Variants in MED24 observed in about 807,000 individuals in gnomAD.
The protein encoded by MED24 is mediator complex subunit 24.
A neutral mutation model predicts 118.8 loss-of-function variants in MED24; 74 were observed. The observed-to-expected ratio is 0.62, with a 90% confidence interval of 0.52 to 0.76. The LOEUF (loss-of-function observed/expected upper bound fraction) is 0.76. Among genes scored for constraint, MED24 ranks in the 30% least tolerant of loss-of-function variants. MED24 has a pLI of 0.00. For missense variants in MED24, 1,041 were observed against 1,278.9 expected, an observed-to-expected ratio of 0.81 and a Z score of 2.84; for synonymous variants, 521 against 523.9, an observed-to-expected ratio of 0.99 and a Z score of 0.08.
chr17:40,022,685 A>G lies in MED24; in HGVS notation c.2392T>C (p.Trp798Arg), dbSNP rs906709831. ...LPGLLTDSSKWHSLMDPPGTA... is the reference protein window; with the variant it reads ...LPGLLTDSSKRHSLMDPPGTA... ...CCCGGGGGGTCCATGAGGCTGTGCC[A>G]CTTGGAGGAGTCAGTGAGCAGGCCA... The change falls in exon 21 of 26, where the codon TGG (tryptophan) becomes CGG (arginine). Residue 798 changes from tryptophan to arginine, a missense_variant. By Grantham distance (101) the Trp-to-Arg change is moderately radical. Transcript: ENST00000394128. 10 of 1,613,680 alleles carry G rather than the reference A, an allele frequency of 6.2e-6. No homozygotes were observed. Among genetic ancestry groups the G allele is most frequent in the Admixed American group, 5.0e-5 (3 of 59,970 alleles).
At chr17:40,031,272 A>AAG in intron 11 of MED24, 27 bp from the exon 12 acceptor site, 7 of 1,546,882 alleles carry the variant, frequency 4.5e-6, no homozygotes, top group Non-Finnish European at 6.1e-6. Context: ...TGCTGAGGGA[A>AAG]CTGGGCACCT....
chr17:40,032,857 G>A, intron 8 of MED24, 95 bp from the exon 9 acceptor site: 1 of 1,355,164 alleles, frequency 7.4e-7, no homozygotes, highest in Admixed American at 1.9e-5. Context: ...GAGACTGCAT[G>A]GCAGAGTCAC....
intron 6 of MED24, among the ~76,000 whole-genome samples, chr17:40,034,320 G>A (rs1983706858): frequency 1.3e-5 from 2 of 152,172 alleles, no homozygotes; most frequent in Non-Finnish European, 2.9e-5. Context: ...TGTCTTTTTG[G>A]ACTTTTCACA....
chr17:40,032,110 GA>G lies in MED24; in HGVS notation c.937-21del. On this transcript the variant is annotated intron_variant, in intron 9 of 25. Transcript: ENST00000394128. ...TGGAATCTAGGGGGTGAGGCAGGGGGAAAAACAGGAAGATCCATTTCTTTTC... is the reference window on the plus strand; with the variant it reads ...TGGAATCTAGGGGGTGAGGCAGGGGGAAAACAGGAAGATCCATTTCTTTTC... 1 of 1,611,768 alleles carries G rather than the reference GA, an allele frequency of 6.2e-7. No individual in the cohort carries two copies. The highest frequency in any genetic ancestry group is 8.5e-7 in the Non-Finnish European group (1 of 1,178,470).
chr17:40,026,170 C>T lies in MED24; in HGVS notation c.1971G>A (p.Gln657=). The T allele has an allele frequency of 6.2e-7, 1 of 1,613,926 alleles. No individual in the cohort carries two copies. Among genetic ancestry groups the T allele is most frequent in the South Asian group, 1.1e-5 (1 of 91,066 alleles). ...AGPLFSENTL[Q]FYNERVVIMN... ...AGGTTACCGACCTCTCATTGTAGAA[C>T]TGCAGGGTGTTCTCACTAAACAGTG... The change falls in exon 19 of 26, where the codon CAG becomes CAA. Residue 657 remains glutamine, a synonymous_variant. Transcript: ENST00000394128.
intron 13 of MED24, 106 bp downstream of exon 13, chr17:40,029,642 C>A: frequency 9.4e-7 from 1 of 1,063,132 alleles, no homozygotes; most frequent in South Asian, 1.5e-5. Flanking sequence ...TGTATAAAAG[C>A]TAAAGGAGAC....
intron 3 of MED24, among the ~76,000 whole-genome samples, chr17:40,044,051 C>T (rs193281079): frequency 9.9e-5 from 14 of 140,878 alleles, no homozygotes; most frequent in Admixed American, 3.8e-4. Context: ...TGGCTGGAAC[C>T]GGGGAAGCTA....
intron 13 of MED24, 121 bp from the exon 14 acceptor site, chr17:40,029,089 A>T: frequency 7.4e-7 from 1 of 1,356,988 alleles, no homozygotes; most frequent in Non-Finnish European, 1.0e-6. Context: ...TCTGACTTCA[A>T]TCTGGAAAAT....
chr17:40,022,704 C>A lies in MED24; in HGVS notation c.2373G>T (p.Leu791=). The change falls in exon 21 of 26, where the codon CTG becomes CTT. Residue 791 remains leucine, a synonymous_variant. Coordinates refer to ENST00000394128, the MANE Select transcript of MED24 (RefSeq NM_014815.4). ...TGTGCCACTTGGAGGAGTCAGTGAG[C>A]AGGCCAGGTAGGATGTGGCCCAGCA... ...LVLLGHILPG[L]LTDSSKWHSL... 1 of 1,613,898 alleles carries A rather than the reference C, an allele frequency of 6.2e-7. No individual in the cohort carries two copies. Among genetic ancestry groups the A allele is most frequent in the Non-Finnish European group, 8.5e-7 (1 of 1,179,976 alleles).
chr17:40,032,354 A>G, intron 9 of MED24: 1 of 573,366 alleles, frequency 1.7e-6, no homozygotes, highest in Non-Finnish European at 3.1e-6. Context: ...GTGGATCCCC[A>G]GCTTCAAGGA....
chr17:40,027,091 G>A lies in MED24; in HGVS notation c.1531-57C>T, dbSNP rs1331213681. On this transcript the variant is annotated intron_variant, in intron 16 of 25. Coordinates refer to ENST00000394128, the MANE Select transcript of MED24 (RefSeq NM_014815.4). Reference sequence around the variant, plus strand: ...TGGGGAGGGCGCGGCGCCTGCCAGCGCTGGACCTGGGGCTGCACTGTTTCC... The same window carrying A: ...TGGGGAGGGCGCGGCGCCTGCCAGCACTGGACCTGGGGCTGCACTGTTTCC... 2.5e-6 allele frequency: 4 copies of A among 1,582,954 alleles called. No individual in the cohort carries two copies. The Admixed American group carries it at 5.3e-5, about 21-fold the overall frequency.
In MED24 at chr17:40,033,579, G is replaced by GTTGTCCTC; in HGVS notation, c.560-124_560-123insGAGGACAA. 1 of 793,350 alleles carries GTTGTCCTC rather than the reference G, an allele frequency of 1.3e-6. No homozygotes were observed. Among genetic ancestry groups the GTTGTCCTC allele is most frequent in the Non-Finnish European group, 2.1e-6 (1 of 467,730 alleles). 49.1% of individuals were successfully genotyped at this position (793,350 alleles called of 1,614,324 possible). ...GAAACCACACAGGAAGGCTTCCCCT[G>GTTGTCCTC]AGGACAACAGGGAGGGAGGGGCCTG... On this transcript the variant is annotated intron_variant, in intron 6 of 25. Coordinates refer to ENST00000394128, the MANE Select transcript of MED24 (RefSeq NM_014815.4). This position sits in a 1 kb window ranked among gnomAD's most constrained non-coding sequence, Gnocchi z 5.2.
chr17:40,019,851 C>T lies in MED24; in HGVS notation c.2787G>A (p.Glu929=), dbSNP rs1340833481. ...PHTQFVQWFM[E]ECVDCLEQGG... ...CCTGCTCCAGGCAGTCCACACACTCCTCCATGAACCACTGCACGAACTGGG... is the reference window on the plus strand; with the variant it reads ...CCTGCTCCAGGCAGTCCACACACTCTTCCATGAACCACTGCACGAACTGGG... Residue 929 remains glutamate, a synonymous_variant, in exon 25 of 26, where the codon GAG becomes GAA. Transcript: ENST00000394128. 1.3e-6 allele frequency: 2 copies of T among 1,596,262 alleles called. No homozygotes were observed. The highest frequency in any genetic ancestry group is 1.7e-6 in the Non-Finnish European group (2 of 1,170,950).
rs1318971573 is a variant in MED24 at position 40,019,354 on chromosome 17, C to CCGGGAGACATCCTGGAGGT, written c.*156_*174dup. On this transcript the variant is annotated 3_prime_UTR_variant, in exon 26 of 26. Coordinates refer to ENST00000394128, the MANE Select transcript of MED24 (RefSeq NM_014815.4). ...GGAGAGGAAATTTTGAAAGAAGAAA[C>CCGGGAGACATCCTGGAGGT]CGGGAGACATCCTGGAGGTCAGGAG... 7 of 614,316 alleles carry CCGGGAGACATCCTGGAGGT rather than the reference C, an allele frequency of 1.1e-5. No individual in the cohort carries two copies. The highest frequency in any genetic ancestry group is 2.0e-5 in the Non-Finnish European group (7 of 351,918). 38.1% of individuals were successfully genotyped at this position (614,316 alleles called of 1,614,324 possible). A position where few individuals can be genotyped will look rare whatever the true frequency, so the allele number is the denominator to read the frequency against.
chr17:40,027,241 T>C, intron 16 of MED24, 142 bp downstream of exon 16: 1 of 1,140,256 alleles, frequency 8.8e-7, no homozygotes, highest in Non-Finnish European at 1.2e-6. Context: ...CTCTACGGAC[T>C]CCAGCCCGGG....
intron 14 of MED24, among the ~76,000 whole-genome samples, chr17:40,028,394 G>A (rs182402988): frequency 3.6e-4 from 55 of 152,270 alleles, no homozygotes; most frequent in Admixed American, 1.3e-3. Context: ...GATTACAGGC[G>A]TGAGCCACCG....
Position 40,031,613 on chromosome 17 carries a change from G to T in MED24, c.992C>A (p.Thr331Asn), listed in dbSNP as rs1043677694. 10 of 1,613,952 alleles carry T rather than the reference G, an allele frequency of 6.2e-6. No individual in the cohort carries two copies. The highest frequency in any genetic ancestry group is 8.5e-6 in the Non-Finnish European group (10 of 1,179,944). ...KKYSHGDKDF[T>N]EDVNCAFEFL... is the part of the protein sequence containing the mutation. ...CTCAAAAGCACAGTTGACATCCTCAGTGAAGTCCTAGAAAGAGGCAGAAGT... is the reference window on the plus strand; with the variant it reads ...CTCAAAAGCACAGTTGACATCCTCATTGAAGTCCTAGAAAGAGGCAGAAGT... The change falls in exon 11 of 26, where the codon ACT (threonine) becomes AAT (asparagine). Residue 331 changes from threonine to asparagine, a missense_variant. Around this residue, in one of 3 missense-constraint regions of MED24, gnomAD observed 434 missense variants for 514.9 expected, o/e 0.84. Coordinates refer to ENST00000394128, the MANE Select transcript of MED24 (RefSeq NM_014815.4).
Position 40,053,554 on chromosome 17 carries a change from C to T in MED24, c.45G>A (p.Lys15=). Reference sequence around the variant, plus strand: ...CCCATTGGTAGTCACTCCAGCGCTCCTTCCAGGCTTGCAAAATGGCTTGCT... The same window carrying T: ...CCCATTGGTAGTCACTCCAGCGCTCTTTCCAGGCTTGCAAAATGGCTTGCT... ...NLKQAILQAW[K]ERWSDYQWAI... The change falls in exon 2 of 26, where the codon AAG becomes AAA. Residue 15 remains lysine (K), a synonymous_variant. Coordinates refer to ENST00000394128, the MANE Select transcript of MED24 (RefSeq NM_014815.4). 1.2e-6 allele frequency: 2 copies of T among 1,614,172 alleles called. No homozygotes were observed. Among genetic ancestry groups the T allele is most frequent in the Non-Finnish European group, 1.7e-6 (2 of 1,180,042 alleles).
chr17:40,047,159 AAAT>A lies in MED24; in HGVS notation c.213+6136_213+6138del, dbSNP rs370798946. Among the ~76,000 whole-genome samples, 434 of 152,316 alleles carry A rather than the reference AAAT, an allele frequency of 2.8e-3. 2 individuals carry two copies. In the Middle Eastern group the frequency reaches 0.058, roughly 20 times the overall value. On this transcript the variant is annotated intron_variant, in intron 3 of 25. Transcript: ENST00000394128. ...AATGTACTATTAACATATACAACAT[AAAT>A]AATAAATCTCAAAAACATTTATGTT... is the stretch of plus-strand genomic sequence containing the variant.
Sources: allele counts gnomAD v4.1 joint callset (sites outside exome capture counted in the v4.1 genomes callset), GRCh38; gene constraint gnomAD v4.1.1; regional missense constraint gnomAD v4.1.1; non-coding constraint Gnocchi (gnomAD v3.1); transcripts MANE v1.5; gene names NCBI Gene and HGNC (gene_info 2026-07-23, HGNC 2026-07-21).